Variants in HNRNPR observed in about 807,000 individuals in gnomAD.
The protein encoded by HNRNPR is heterogeneous nuclear ribonucleoprotein R.
In HNRNPR, 4 loss-of-function variants were observed where a neutral mutation model predicts 70.3. That is an observed-to-expected ratio of 0.06 (90% CI 0.03 to 0.13). The LOEUF is 0.13. HNRNPR is among the 10% of genes least tolerant of loss of function. The pLI, the probability that HNRNPR is intolerant of heterozygous loss-of-function variation, is 1.00. For synonymous variants in HNRNPR, 241 were observed against 267.6 expected, an observed-to-expected ratio of 0.90 and a Z score of 0.97; for missense variants, 423 against 788.5, an observed-to-expected ratio of 0.54 and a Z score of 5.55.
intron 5 of HNRNPR, among the ~76,000 whole-genome samples, chr1:23,332,711 AAAAC>A (rs1256692243): frequency 6.6e-6 from 1 of 151,150 alleles, no homozygotes; most frequent in African/African-American, 2.4e-5. Context: ...CAAAAAAAAA[AAAAC>A]AAAACCAAAC....
At chr1:23,332,110 C>T (rs139955172) in intron 5 of HNRNPR, among the ~76,000 whole-genome samples, 5 of 151,334 alleles carry the variant, frequency 3.3e-5, no homozygotes, top group East Asian at 2.0e-4. Context: ...CCAGCCTGGG[C>T]GACAGAGCGA....
intron 4 of HNRNPR, 45 bp downstream of exon 4, chr1:23,337,709 A>C (rs1165821125): frequency 8.9e-7 from 1 of 1,125,662 alleles, no homozygotes; most frequent in South Asian, 1.3e-5. Context: ...ATTTGACCTC[A>C]TCATTAAATG....
chr1:23,331,239 A>G (rs1646208255), intron 5 of HNRNPR, among the ~76,000 whole-genome samples: 1 of 152,110 alleles, frequency 6.6e-6, no homozygotes, highest in Non-Finnish European at 1.5e-5. Context: ...CAATTAACAT[A>G]TCAACTATTT....
Position 23,305,910 on chromosome 1 carries a change from TAA to T in HNRNPR, c.*4542_*4543del, listed in dbSNP as rs1645196161. 2 of 152,232 alleles carry T rather than the reference TAA, an allele frequency of 1.3e-5. No homozygotes were observed. The highest frequency in any genetic ancestry group is 4.1e-4 in the South Asian group (2 of 4,836). 9.4% of individuals were successfully genotyped at this position (152,232 alleles called of 1,614,324 possible). On this transcript the variant is annotated 3_prime_UTR_variant, in exon 11 of 11. Transcript: ENST00000302271. ...TTATTGTCAAACTGCTAAAACTTTT[TAA>T]AGTTTCATTTTACAGTGTTAAGATT...
chr1:23,342,215 T>C (rs1646729014), intron 1 of HNRNPR, among the ~76,000 whole-genome samples: 1 of 152,226 alleles, frequency 6.6e-6, no homozygotes, highest in Admixed American at 6.5e-5. Context: ...TTATCGAACA[T>C]TGTGCAAATG....
At chr1:23,324,297 G>A (rs1438393473) in intron 5 of HNRNPR, among the ~76,000 whole-genome samples, 8 of 150,462 alleles carry the variant, frequency 5.3e-5, no homozygotes, top group East Asian at 2.0e-4. Context: ...GGCCGGGCGC[G>A]GCAGCTCACG....
In HNRNPR at chr1:23,320,350, A is replaced by G. The variant is rs190038445; in HGVS notation, c.811+1178T>C. Among the ~76,000 whole-genome samples the G allele has an allele frequency of 2.5e-3, 385 of 152,328 alleles. 1 individual carries two copies. Among genetic ancestry groups the G allele is most frequent in the African/African-American group, 8.9e-3 (370 of 41,570 alleles). On this transcript the variant is annotated intron_variant, in intron 7 of 10. Coordinates refer to ENST00000302271, the MANE Select transcript of HNRNPR (RefSeq NM_005826.5). ...TAGAAATCAAGAGTTCAGAGTGCAT[A>G]GAATTTCTGGTGACTAGATCCAGAA...
chr1:23,337,984 A>C, intron 3 of HNRNPR, 123 bp from the exon 4 acceptor site: 1 of 672,202 alleles, frequency 1.5e-6, no homozygotes, highest in Non-Finnish European at 2.5e-6. Context: ...TTCATTCAAC[A>C]AGTATTTGCC....
chr1:23,332,046 C>T (rs1379447196), intron 5 of HNRNPR, among the ~76,000 whole-genome samples: 2 of 151,780 alleles, frequency 1.3e-5, no homozygotes, highest in African/African-American at 2.4e-5. Flanking sequence ...GCAGGAGAAT[C>T]GCTTGAACCT....
intron 9 of HNRNPR, among the ~76,000 whole-genome samples, chr1:23,312,141 T>A (rs185761374): frequency 6.6e-6 from 1 of 152,318 alleles, no homozygotes; most frequent in African/African-American, 2.4e-5. Flanking sequence ...AAAAATGTTC[T>A]ATTGGAGCTA....
At chr1:23,335,036 G>A (rs1455309216) in intron 4 of HNRNPR, among the ~76,000 whole-genome samples, 2 of 151,994 alleles carry the variant, frequency 1.3e-5, no homozygotes, top group Non-Finnish European at 2.9e-5. Context: ...TCCTGCCTCA[G>A]CCTCCCAAGT....
chr1:23,335,843 C>T (rs112949684), intron 4 of HNRNPR, among the ~76,000 whole-genome samples: 8,990 of 151,822 alleles, frequency 0.059, 865 homozygotes, highest in African/African-American at 0.2. Context: ...CACAGCCGGG[C>T]GCGGTGGCTC....
chr1:23,340,566 T>C (rs1017496578), intron 2 of HNRNPR, among the ~76,000 whole-genome samples: 2 of 152,118 alleles, frequency 1.3e-5, no homozygotes, highest in African/African-American at 4.8e-5. Flanking sequence ...AAATGTAAAA[T>C]TTGGTATGCA....
Position 23,309,797 on chromosome 1 carries a change from GA to G in HNRNPR, c.*656del, listed in dbSNP as rs1175565212. On this transcript the variant is annotated 3_prime_UTR_variant, in exon 11 of 11. Coordinates refer to ENST00000302271, the MANE Select transcript of HNRNPR (RefSeq NM_005826.5). ...TTTGAAATAGGTAATGTTTTGAATA[GA>G]TTTTTTAGTTTTATTGAAATCTTAC... 1 of 152,598 alleles carries G rather than the reference GA, an allele frequency of 6.6e-6. No homozygotes were observed. The highest frequency in any genetic ancestry group is 2.4e-5 in the African/African-American group (1 of 41,446). 9.5% of individuals were successfully genotyped at this position (152,598 alleles called of 1,614,324 possible). A position where few individuals can be genotyped will look rare whatever the true frequency, so the allele number is the denominator to read the frequency against.
At chr1:23,327,930 G>C (rs1381733250) in intron 5 of HNRNPR, among the ~76,000 whole-genome samples, 2 of 138,868 alleles carry the variant, frequency 1.4e-5, no homozygotes, top group Middle Eastern at 4.4e-3. Flanking sequence ...GGCCAAGGCA[G>C]AAGTATCACT....
At chr1:23,311,835 A>T (rs1645348102) in intron 9 of HNRNPR, 1 of 152,658 alleles carries the variant, frequency 6.6e-6, no homozygotes, top group Non-Finnish European at 1.5e-5. Flanking sequence ...GTAAAATTCA[A>T]GAAGATACTA....
At chr1:23,342,797 A>G (rs1360004967) in intron 1 of HNRNPR, among the ~76,000 whole-genome samples, 3 of 152,212 alleles carry the variant, frequency 2.0e-5, no homozygotes, top group Non-Finnish European at 2.9e-5. Context: ...AGTTCAATGA[A>G]CATCTGTTAA....
intron 1 of HNRNPR, among the ~76,000 whole-genome samples, chr1:23,343,524 G>C (rs1250202177): frequency 6.6e-6 from 1 of 152,200 alleles, no homozygotes; most frequent in East Asian, 1.9e-4. Context: ...GTAAGAAAAA[G>C]GATCGCCTTT....
At chr1:23,338,397 C>CA (rs1646584311) in intron 3 of HNRNPR, 93 bp downstream of exon 3, 3 of 547,046 alleles carry the variant, frequency 5.5e-6, no homozygotes, top group Non-Finnish European at 6.4e-6. Flanking sequence ...TAGTCACAAA[C>CA]AAAAAATACC....
Sources: allele counts gnomAD v4.1 joint callset (sites outside exome capture counted in the v4.1 genomes callset), GRCh38; gene constraint gnomAD v4.1.1; transcripts MANE v1.5; gene names NCBI Gene and HGNC (gene_info 2026-07-23, HGNC 2026-07-21).